ADGRB3: variants seen among roughly 807,000 people sequenced by gnomAD.
The protein encoded by ADGRB3 is adhesion G protein-coupled receptor B3, also known as brain-specific angiogenesis inhibitor 3.
ADGRB3 carries 37 observed loss-of-function variants against 193.4 expected under a neutral mutation model. The ratio of observed to expected loss-of-function variants is 0.19; its 90% CI spans 0.15 to 0.25. ADGRB3 has a LOEUF of 0.25. Ranked by LOEUF, ADGRB3 falls within the 10% of genes least tolerant of loss-of-function variation. The pLI is 1.00. For synonymous variants in ADGRB3, 690 were observed against 644.2 expected (o/e 1.07, Z -1.08); for missense variants, 1,637 against 1,852.9 (o/e 0.88, Z 2.14).
chr6:69,340,288 T>C, intron 26 of ADGRB3, among the ~76,000 whole-genome samples: 1 of 152,304 alleles, frequency 6.6e-6, no homozygotes, highest in South Asian at 2.1e-4. Flanking sequence ...TAAAATGTTG[T>C]TTTCCAACCT....
intron 17 of ADGRB3, among the ~76,000 whole-genome samples, chr6:69,229,952 T>C (rs2127255260): frequency 6.6e-6 from 1 of 152,284 alleles, no homozygotes; most frequent in East Asian, 1.9e-4. Context: ...TACTTTTGAA[T>C]ACTTGGGACA....
intron 16 of ADGRB3, among the ~76,000 whole-genome samples, chr6:69,074,563 CAG>C (rs1195238406): frequency 2.2e-5 from 3 of 136,134 alleles, no homozygotes; most frequent in Non-Finnish European, 4.6e-5. Context: ...TTTTTTGAGA[CAG>C]AGTCTTGCTC....
At chr6:68,883,573 C>T (rs1052936682) in intron 3 of ADGRB3, among the ~76,000 whole-genome samples, 1 of 152,176 alleles carries the variant, frequency 6.6e-6, no homozygotes, top group Non-Finnish European at 1.5e-5. Flanking sequence ...ACCACGAACT[C>T]ACTGGGAGGA....
chr6:68,745,312 G>A (rs1766062270), intron 3 of ADGRB3, among the ~76,000 whole-genome samples: 1 of 152,182 alleles, frequency 6.6e-6, no homozygotes. Context: ...GATGAAGCCT[G>A]AGGACATTAT....
At chr6:69,128,449 A>G (rs1264266305) in intron 17 of ADGRB3, among the ~76,000 whole-genome samples, 4 of 152,280 alleles carry the variant, frequency 2.6e-5, no homozygotes, top group Middle Eastern at 6.8e-3. Context: ...AGTAATATCA[A>G]TAACTTAAAA....
chr6:69,192,095 A>G (rs574892191), intron 17 of ADGRB3, among the ~76,000 whole-genome samples: 2 of 152,262 alleles, frequency 1.3e-5, no homozygotes, highest in South Asian at 4.1e-4. Context: ...AAGTATATAT[A>G]AAAAGGAGTT....
intron 3 of ADGRB3, among the ~76,000 whole-genome samples, chr6:68,781,270 C>T (rs1023052495): frequency 1.3e-5 from 2 of 152,136 alleles, no homozygotes; most frequent in African/African-American, 2.4e-5. Flanking sequence ...TTCTCTTGGA[C>T]TTTGTGTTTC....
At chr6:68,697,572 C>G (rs997815583) in intron 3 of ADGRB3, among the ~76,000 whole-genome samples, 2 of 151,832 alleles carry the variant, frequency 1.3e-5, no homozygotes, top group Admixed American at 1.3e-4. Flanking sequence ...AATGGAGTGA[C>G]CTAGCTACTT....
intron 6 of ADGRB3, among the ~76,000 whole-genome samples, chr6:68,954,193 A>G (rs1196602110): frequency 6.6e-6 from 1 of 152,170 alleles, no homozygotes; most frequent in Non-Finnish European, 1.5e-5. Context: ...TTCATGTTTC[A>G]TGTTAAGATG....
chr6:69,174,245 CA>C (rs1775365151), intron 17 of ADGRB3, among the ~76,000 whole-genome samples: 1 of 152,150 alleles, frequency 6.6e-6, no homozygotes. Flanking sequence ...TCAGCACTTG[CA>C]TCCCTCTCTT....
chr6:69,173,026 T>G (rs971977091), intron 17 of ADGRB3, among the ~76,000 whole-genome samples: 13 of 106,050 alleles, frequency 1.2e-4, no homozygotes, highest in Admixed American at 2.8e-4. Flanking sequence ...TTTTGGTTTT[T>G]GTTTTTGTTT....
chr6:68,898,989 G>A (rs1437909075), intron 3 of ADGRB3, among the ~76,000 whole-genome samples: 1 of 152,090 alleles, frequency 6.6e-6, no homozygotes, highest in Non-Finnish European at 1.5e-5. Flanking sequence ...ACAGAAAAAG[G>A]ACATTGCGGA....
chr6:69,064,295 A>G (rs1192597163), intron 16 of ADGRB3, among the ~76,000 whole-genome samples: 1 of 151,644 alleles, frequency 6.6e-6, no homozygotes, highest in Non-Finnish European at 1.5e-5. Context: ...ACTATTCTAA[A>G]TAGTTTAACT....
At chr6:69,132,838 G>T (rs2150334759) in intron 17 of ADGRB3, among the ~76,000 whole-genome samples, 1 of 152,146 alleles carries the variant, frequency 6.6e-6, no homozygotes, top group East Asian at 1.9e-4. Context: ...TCAGTTTTCT[G>T]CATATGGCTA....
At chr6:68,951,214 C>T (rs1767908300) in intron 6 of ADGRB3, among the ~76,000 whole-genome samples, 1 of 151,868 alleles carries the variant, frequency 6.6e-6, no homozygotes, top group Admixed American at 6.6e-5. Flanking sequence ...TTTTACAGTC[C>T]TCAGCCCCAT....
intron 3 of ADGRB3, among the ~76,000 whole-genome samples, chr6:68,756,198 A>G (rs893189655): frequency 1.3e-5 from 2 of 152,190 alleles, no homozygotes; most frequent in Admixed American, 6.5e-5. Context: ...ACGGCTGTAT[A>G]TAACTTCCAC....
At chr6:69,309,018 A>T (rs1768123927) in intron 20 of ADGRB3, among the ~76,000 whole-genome samples, 2 of 151,734 alleles carry the variant, frequency 1.3e-5, no homozygotes, top group South Asian at 4.1e-4. Context: ...GAGAACAAGG[A>T]AAGAACAAAT....
At chr6:68,711,496 G>A (rs1282888493) in intron 3 of ADGRB3, among the ~76,000 whole-genome samples, 2 of 152,050 alleles carry the variant, frequency 1.3e-5, no homozygotes, top group Non-Finnish European at 2.9e-5. Flanking sequence ...TAGGAGCTAG[G>A]TTTGCTTTCT....
chr6:69,257,696 A>G (rs1372463816), intron 20 of ADGRB3, among the ~76,000 whole-genome samples: 1 of 152,210 alleles, frequency 6.6e-6, no homozygotes, highest in Non-Finnish European at 1.5e-5. Flanking sequence ...TCTTCTGATC[A>G]TCTTCAAGAT....
Sources: allele counts gnomAD v4.1 joint callset (sites outside exome capture counted in the v4.1 genomes callset), GRCh38; gene constraint gnomAD v4.1.1; transcripts MANE v1.5; gene names NCBI Gene and HGNC (gene_info 2026-07-23, HGNC 2026-07-21).